B3GALT1: variants seen among roughly 807,000 people sequenced by gnomAD.
The protein encoded by B3GALT1 is beta-1,3-galactosyltransferase 1.
B3GALT1 carries 10 observed loss-of-function variants against 23.2 expected under a neutral mutation model. That is an observed-to-expected ratio of 0.43 (90% confidence interval 0.27 to 0.73). B3GALT1 has a LOEUF of 0.73. Ranked by LOEUF, B3GALT1 falls within the 30% of genes least tolerant of loss-of-function variation. B3GALT1 has a pLI of 0.21. For missense variants in B3GALT1, 299 were observed against 405.4 expected (o/e 0.74, Z 2.25); for synonymous variants, 156 against 141.5 (o/e 1.10, Z -0.73).
intron 3 of B3GALT1, among the ~76,000 whole-genome samples, chr2:167,717,312 T>G (rs185265110): frequency 6.6e-6 from 1 of 151,882 alleles, no homozygotes; most frequent in Non-Finnish European, 1.5e-5. Context: ...TTTATACTTT[T>G]AAGTTTTAGG....
At chr2:167,576,329 A>G (rs1026803075) in intron 2 of B3GALT1, among the ~76,000 whole-genome samples, 1 of 151,768 alleles carries the variant, frequency 6.6e-6, no homozygotes, top group Non-Finnish European at 1.5e-5. Context: ...GAAATATTGT[A>G]TATAGAGAAA....
At chr2:167,365,058 C>T (rs968087272) in intron 1 of B3GALT1, among the ~76,000 whole-genome samples, 4 of 152,198 alleles carry the variant, frequency 2.6e-5, no homozygotes, top group Middle Eastern at 6.8e-3. Flanking sequence ...TCCACTTTTC[C>T]GATGGGTGTT....
intron 1 of B3GALT1, among the ~76,000 whole-genome samples, chr2:167,463,634 C>T (rs1699300423): frequency 6.6e-6 from 1 of 152,020 alleles, no homozygotes; most frequent in Admixed American, 6.6e-5. Flanking sequence ...AGATGTCTGC[C>T]AACAAAAGTC....
At chr2:167,554,075 C>A (rs572472748) in intron 2 of B3GALT1, among the ~76,000 whole-genome samples, 16 of 152,190 alleles carry the variant, frequency 1.1e-4, no homozygotes, top group Non-Finnish European at 1.9e-4. Context: ...AAGAGCATGA[C>A]CGCTGGTCAC....
At chr2:167,340,061 A>T (rs1254800656) in intron 1 of B3GALT1, among the ~76,000 whole-genome samples, 5 of 152,194 alleles carry the variant, frequency 3.3e-5, no homozygotes, top group African/African-American at 4.8e-5. Context: ...TTGAACAAAA[A>T]CTTTGTGAAA....
At chr2:167,632,556 T>G (rs1685469262) in intron 2 of B3GALT1, among the ~76,000 whole-genome samples, 1 of 150,824 alleles carries the variant, frequency 6.6e-6, no homozygotes, top group African/African-American at 2.5e-5. Context: ...TGAGAATAAG[T>G]TTTTTTTTCA....
chr2:167,652,238 G>A (rs1029318577), intron 3 of B3GALT1, among the ~76,000 whole-genome samples: 1 of 152,124 alleles, frequency 6.6e-6, no homozygotes, highest in Admixed American at 6.6e-5. Flanking sequence ...CAGACATCCT[G>A]GGAAAAGAGT....
At chr2:167,789,864 C>T (rs1276739052) in intron 3 of B3GALT1, among the ~76,000 whole-genome samples, 5 of 152,092 alleles carry the variant, frequency 3.3e-5, no homozygotes, top group Non-Finnish European at 1.5e-5. Flanking sequence ...AGACACGGGC[C>T]CCTTGGAACA....
At chr2:167,414,566 C>G (rs1384361707) in intron 1 of B3GALT1, among the ~76,000 whole-genome samples, 1 of 152,060 alleles carries the variant, frequency 6.6e-6, no homozygotes, top group Non-Finnish European at 1.5e-5. Context: ...TCCTGTATTT[C>G]AATGCAGAAA....
intron 1 of B3GALT1, among the ~76,000 whole-genome samples, chr2:167,380,720 G>A (rs1697836890): frequency 6.6e-6 from 1 of 152,140 alleles, no homozygotes; most frequent in Admixed American, 6.5e-5. Context: ...CCAGGGCGTG[G>A]GAGAAACAAA....
At chr2:167,571,927 A>G (rs1227385624) in intron 2 of B3GALT1, among the ~76,000 whole-genome samples, 1 of 151,842 alleles carries the variant, frequency 6.6e-6, no homozygotes, top group Non-Finnish European at 1.5e-5. Context: ...AAGAATCCAA[A>G]ATTAGAGTAT....
chr2:167,419,508 G>C (rs1282759327), intron 1 of B3GALT1, among the ~76,000 whole-genome samples: 1 of 152,126 alleles, frequency 6.6e-6, no homozygotes, highest in Non-Finnish European at 1.5e-5. Context: ...CTGTATTTGA[G>C]AGGCAATAAT....
intron 1 of B3GALT1, among the ~76,000 whole-genome samples, chr2:167,422,340 G>A (rs368866998): frequency 6.6e-5 from 10 of 152,144 alleles, no homozygotes; most frequent in African/African-American, 2.2e-4. Context: ...GAATCTACTG[G>A]TACCTTGATC....
intron 2 of B3GALT1, among the ~76,000 whole-genome samples, chr2:167,511,551 T>C (rs1037434027): frequency 1.3e-5 from 2 of 152,174 alleles, no homozygotes; most frequent in Non-Finnish European, 2.9e-5. Flanking sequence ...TACCCAGTCT[T>C]GGGTTCTTTA....
chr2:167,324,502 A>G (rs746510424), intron 1 of B3GALT1, among the ~76,000 whole-genome samples: 1 of 152,044 alleles, frequency 6.6e-6, no homozygotes, highest in African/African-American at 2.4e-5. Flanking sequence ...TTGCTGCCTG[A>G]TGCTGGCTTC....
chr2:167,670,789 G>A (rs1014848510), intron 3 of B3GALT1, among the ~76,000 whole-genome samples: 2 of 152,064 alleles, frequency 1.3e-5, no homozygotes, highest in Admixed American at 6.5e-5. Flanking sequence ...TTTAATAGCA[G>A]GCTAAATTAA....
intron 2 of B3GALT1, among the ~76,000 whole-genome samples, chr2:167,592,223 C>A (rs1459848803): frequency 6.6e-6 from 1 of 151,880 alleles, no homozygotes; most frequent in Non-Finnish European, 1.5e-5. Context: ...AATTTGGGAG[C>A]TTTCAGTGTA....
At chr2:167,489,320 C>T (rs1699670135) in intron 1 of B3GALT1, among the ~76,000 whole-genome samples, 1 of 152,090 alleles carries the variant, frequency 6.6e-6, no homozygotes, top group Non-Finnish European at 1.5e-5. Context: ...AGGAAAGGCT[C>T]CAAAATCAGG....
At chr2:167,669,194 A>G (rs1217895691) in intron 3 of B3GALT1, among the ~76,000 whole-genome samples, 1 of 152,122 alleles carries the variant, frequency 6.6e-6, no homozygotes, top group Non-Finnish European at 1.5e-5. Flanking sequence ...TTCTCCTCTT[A>G]TGTCACAAAA....
Sources: gnomAD v4.1 joint callset for allele counts (sites outside exome capture counted in the v4.1 genomes callset) on GRCh38, gnomAD v4.1.1 for gene constraint, MANE v1.5 for transcripts, NCBI Gene and HGNC (gene_info 2026-07-23, HGNC 2026-07-21) for gene names.